Variants in LBX1 observed in about 807,000 individuals in gnomAD.
LBX1 encodes the protein ladybird homeobox 1, also known as transcription factor LBX1.
A neutral mutation model predicts 19.9 loss-of-function variants in LBX1; 6 were observed. That is an observed-to-expected ratio of 0.30 (90% CI 0.17 to 0.60). The LOEUF (loss-of-function observed/expected upper bound fraction) is 0.60, where lower values mean the gene tolerates loss of function less well. Ranked by LOEUF, LBX1 falls within the 20% of genes least tolerant of loss-of-function variation. LBX1 has a pLI of 0.87. For synonymous variants in LBX1, 190 were observed against 189.3 expected (o/e 1.00, Z -0.03); for missense variants, 344 against 393.7 (o/e 0.87, Z 1.07).
rs139870892 is a variant in LBX1, at chr10:101,228,796, C to T, written c.20G>A (p.Gly7Asp). MTSKED[G>D]KAAPGEERRR... is the part of the protein sequence containing the mutation. ...CCGCTCCTCCCCCGGCGCCGCCTTG[C>T]CGTCCTCCTTGGAAGTCATCTCGGC... Residue 7 changes from glycine to aspartate, a missense_variant, in exon 1 of 2, where the codon GGC becomes GAC. Coordinates refer to ENST00000370193, the MANE Select transcript of LBX1 (RefSeq NM_006562.5). 1.8e-5 allele frequency: 28 copies of T among 1,596,230 alleles called. No homozygotes were observed. The highest frequency in any genetic ancestry group is 2.4e-5 in the Non-Finnish European group (28 of 1,173,846).
In LBX1 at chr10:101,227,491, C is replaced by T. The variant is rs201747133; in HGVS notation, c.625G>A (p.Ala209Thr). The part of the protein sequence containing the change: ...PSGQMDIVAL[A>T]ELEQNSEATA... ...GCCTCCGAGTTCTGCTCGAGTTCGG[C>T]CAGCGCCACGATGTCCATCTGCCCG... is the stretch of plus-strand genomic sequence containing the variant. The change falls in exon 2 of 2, where the codon GCC (alanine) becomes ACC (threonine). Residue 209 changes from alanine (A) to threonine (T), a missense_variant. Physicochemically the swap from Ala to Thr is moderately conservative, Grantham distance 58 (BLOSUM62 0). This residue lies in a region of LBX1 where 146 missense variants were observed against 124.2 expected (regional missense o/e 1.18). Transcript: ENST00000370193. The T allele has an allele frequency of 2.0e-5, 32 of 1,610,442 alleles. No individual in the cohort carries two copies. The East Asian group carries it at 6.7e-4, about 34-fold the overall frequency.
Position 101,227,447 on chromosome 10 carries a change from G to A in LBX1, c.669C>T (p.Gly223=). Residue 223 remains glycine (G), a synonymous_variant, in exon 2 of 2, where the codon GGC becomes GGT. Coordinates refer to ENST00000370193, the MANE Select transcript of LBX1 (RefSeq NM_006562.5). ...GCCTCGACTTGGCCCTGCCGCAGCC[G>A]CCGCCACCGCCGGCTGTGGCCTCCG... ...QNSEATAGGG[G]GCGRAKSRPG... The A allele has an allele frequency of 1.9e-6, 3 of 1,595,702 alleles. No homozygotes were observed. The highest frequency in any genetic ancestry group is 2.6e-6 in the Non-Finnish European group (3 of 1,170,912).
In LBX1 at chr10:101,228,550, T is replaced by A. The variant is rs1284922642; in HGVS notation, c.266A>T (p.Glu89Val). The A allele has an allele frequency of 1.3e-6, 2 of 1,554,628 alleles. No individual in the cohort carries two copies. Among genetic ancestry groups the A allele is most frequent in the East Asian group, 4.8e-5 (2 of 41,472 alleles). Residue 89 changes from glutamate to valine, a missense_variant, in exon 1 of 2, where the codon GAG (glutamate) becomes GTG (valine). Physicochemically the swap from Glu to Val is moderately radical, Grantham distance 121. Coordinates refer to ENST00000370193, the MANE Select transcript of LBX1 (RefSeq NM_006562.5). ...CTTAAACGTCTTGCTGGCGAGCTCC[T>A]CCAGCGCGCACAGCGGCGAGGTCTG... is the stretch of plus-strand genomic sequence containing the variant. ...LSQTSPLCAL[E>V]ELASKTFKGL... is the part of the protein sequence containing the mutation.
At position 101,227,664 on chromosome 10, in the gene LBX1, G is replaced by T; in HGVS notation, c.452C>A (p.Ser151Tyr). Reference sequence around the variant, plus strand: ...CGCGATTTGGTCGCGATCGGCGGGGGACAGGTACTTCTGGTATAGAAAGCG... The same window carrying T: ...CGCGATTTGGTCGCGATCGGCGGGGTACAGGTACTTCTGGTATAGAAAGCG... ...EKRFLYQKYLSPADRDQIAQQ... is the reference protein window; with the variant it reads ...EKRFLYQKYLYPADRDQIAQQ... Residue 151 changes from serine to tyrosine, a missense_variant, in exon 2 of 2, where the codon TCC becomes TAC. By Grantham distance (144) the Ser-to-Tyr change is moderately radical (BLOSUM62 -2). Coordinates refer to ENST00000370193, the MANE Select transcript of LBX1 (RefSeq NM_006562.5). The T allele has an allele frequency of 6.2e-7, 1 of 1,614,152 alleles. No individual in the cohort carries two copies. Among genetic ancestry groups the T allele is most frequent in the Non-Finnish European group, 8.5e-7 (1 of 1,180,018 alleles).
Position 101,227,170 on chromosome 10 carries a change from T to C in LBX1, c.*100A>G. ...CCGGGGACAGGGGAGGAGGCGGGAG[T>C]TGGCAGAGGAGGTCCCAGCTCCCCT... On this transcript the variant is annotated 3_prime_UTR_variant, in exon 2 of 2. Transcript: ENST00000370193. 8.7e-7 allele frequency: 1 copy of C among 1,150,438 alleles called. No homozygotes were observed. The highest frequency in any genetic ancestry group is 1.2e-6 in the Non-Finnish European group (1 of 835,138). 71.3% of individuals were successfully genotyped at this position (1,150,438 alleles called of 1,614,324 possible).
intron 1 of LBX1, 39 bp downstream of exon 1, chr10:101,228,452 G>A: frequency 6.7e-7 from 1 of 1,484,376 alleles, no homozygotes; most frequent in Non-Finnish European, 9.1e-7. Context: ...CACAGGGCGC[G>A]AGGCGCTGGG....
At chr10:101,228,329 T>C (rs2134367991) in intron 1 of LBX1, among the ~76,000 whole-genome samples, 162 bp downstream of exon 1, 1 of 152,282 alleles carries the variant, frequency 6.6e-6, no homozygotes, top group South Asian at 2.1e-4. Flanking sequence ...GAAATAAGGA[T>C]TGGGTCCCGT....
Position 101,227,585 on chromosome 10 carries a change from G to T in LBX1, c.531C>A (p.Arg177=). Residue 177 remains arginine (R), a synonymous_variant, in exon 2 of 2, where the codon CGC becomes CGA. Transcript: ENST00000370193. ...CCTCCAGGTCCCGCTTGAGCTTAGC[G>T]CGCCGATTCTGGAACCAGGTGATGA... ...AQVITWFQNR[R]AKLKRDLEEM... 2 of 1,614,214 alleles carry T rather than the reference G, an allele frequency of 1.2e-6. No homozygotes were observed. The highest frequency in any genetic ancestry group is 2.2e-5 in the South Asian group (2 of 91,090).
Position 101,227,761 on chromosome 10 carries a change from G to T in LBX1, c.355C>A (p.Arg119=). 1 of 1,597,660 alleles carries T rather than the reference G, an allele frequency of 6.3e-7. No homozygotes were observed. Among genetic ancestry groups the T allele is most frequent in the Non-Finnish European group, 8.5e-7 (1 of 1,170,210 alleles). ...GRDGMTIFGQ[R]QTPKKRRKSR... is the part of the protein sequence containing the mutation. ...TTTCGCCGCTTCTTAGGGGTCTGCC[G>T]CTGCCCAAAGATGGTCATACCGTCG... The change falls in exon 2 of 2, where the codon CGG becomes AGG. Residue 119 remains arginine (R), a synonymous_variant. Coordinates refer to ENST00000370193, the MANE Select transcript of LBX1 (RefSeq NM_006562.5).
Position 101,227,275 on chromosome 10 carries a change from C to T in LBX1, c.841G>A (p.Asp281Asn). 6.2e-7 allele frequency: 1 copy of T among 1,603,598 alleles called. No individual in the cohort carries two copies. The highest frequency in any genetic ancestry group is 8.5e-7 in the Non-Finnish European group (1 of 1,176,948). ...DEEDEEIDVD[D>N] is the part of the protein sequence containing the mutation. ...CGGAAGACCCGGGGCGCCGCTCAAT[C>T]GTCCACGTCGATCTCTTCGTCTTCC... The change falls in exon 2 of 2, where the codon GAT (aspartate) becomes AAT (asparagine). Residue 281 changes from aspartate to asparagine, a missense_variant. By Grantham distance (23) the Asp-to-Asn change is conservative. Transcript: ENST00000370193.
Position 101,228,780 on chromosome 10 carries a change from C to G in LBX1, c.36G>C (p.Gly12=), listed in dbSNP as rs757525480. Residue 12 remains glycine, a synonymous_variant, in exon 1 of 2, where the codon GGG becomes GGC. Coordinates refer to ENST00000370193, the MANE Select transcript of LBX1 (RefSeq NM_006562.5). Reference sequence around the variant, plus strand: ...CCAGCGGGCTGCGCCGCCGCTCCTCCCCCGGCGCCGCCTTGCCGTCCTCCT... The same window carrying G: ...CCAGCGGGCTGCGCCGCCGCTCCTCGCCCGGCGCCGCCTTGCCGTCCTCCT... ...TSKEDGKAAP[G]EERRRSPLDH... 20 of 1,598,010 alleles carry G rather than the reference C, an allele frequency of 1.3e-5. No individual in the cohort carries two copies. In the South Asian group the frequency reaches 2.1e-4, roughly 17 times the overall value.
rs1008208013 is a variant in LBX1, at chr10:101,227,143, G to A, written c.*127C>T. The A allele has an allele frequency of 1.7e-5, 16 of 932,830 alleles. No individual in the cohort carries two copies. In the Admixed American group the frequency reaches 3.5e-4, roughly 20 times the overall value. The allele number at this position is 932,830 out of a possible 1,614,324, so 57.8% of individuals were successfully genotyped here. On this transcript the variant is annotated 3_prime_UTR_variant, in exon 2 of 2. Coordinates refer to ENST00000370193, the MANE Select transcript of LBX1 (RefSeq NM_006562.5). The stretch of plus-strand genomic sequence containing the variant: ...GGCGGCTGCCAGGAGCCGAGTCCGG[G>A]GCCGGGGACAGGGGAGGAGGCGGGA...
chr10:101,228,831 G>C lies in LBX1; in HGVS notation c.-16C>G. The C allele has an allele frequency of 6.7e-7, 1 of 1,495,832 alleles. No individual in the cohort carries two copies. Among genetic ancestry groups the C allele is most frequent in the Middle Eastern group, 2.0e-4 (1 of 4,976 alleles). 92.7% of individuals were successfully genotyped at this position (1,495,832 alleles called of 1,614,324 possible). A position where few individuals can be genotyped will look rare whatever the true frequency, so the allele number is the denominator to read the frequency against. ...TGGAAGTCATCTCGGCCTTGTTCGGGGTCCCGGCCGGGGCGGCTCGGGCCG... is the reference window on the plus strand; with the variant it reads ...TGGAAGTCATCTCGGCCTTGTTCGGCGTCCCGGCCGGGGCGGCTCGGGCCG... On this transcript the variant is annotated 5_prime_UTR_variant, in exon 1 of 2. Transcript: ENST00000370193.
rs1941058834 is a variant in LBX1, at chr10:101,227,432, G to A, written c.684C>T (p.Ala228=). 1.9e-6 allele frequency: 3 copies of A among 1,594,970 alleles called. No homozygotes were observed. The highest frequency in any genetic ancestry group is 2.6e-6 in the Non-Finnish European group (3 of 1,171,690). The change falls in exon 2 of 2, where the codon GCC becomes GCT. Residue 228 remains alanine, a synonymous_variant. Transcript: ENST00000370193. Reference sequence around the variant, plus strand: ...GGACCGGAGAGCCGGGCCTCGACTTGGCCCTGCCGCAGCCGCCGCCACCGC... The same window carrying A: ...GGACCGGAGAGCCGGGCCTCGACTTAGCCCTGCCGCAGCCGCCGCCACCGC... ...TAGGGGGCGR[A]KSRPGSPVLP... is the part of the protein sequence containing the mutation.
rs527545931 is a variant in LBX1, at chr10:101,228,999, G to T, written c.-184C>A. The T allele has an allele frequency of 4.0e-4, 82 of 204,394 alleles. 1 individual carries two copies. The East Asian group carries it at 0.011, about 29-fold the overall frequency. 12.7% of individuals were successfully genotyped at this position (204,394 alleles called of 1,614,324 possible). ...GCTGAGGAGGGGAGAACAGCGCGGG[G>T]CCCCGGGAAGAGGGCGCTGACGCGG... On this transcript the variant is annotated 5_prime_UTR_variant, in exon 1 of 2. Coordinates refer to ENST00000370193, the MANE Select transcript of LBX1 (RefSeq NM_006562.5).
At position 101,227,472 on chromosome 10, in the gene LBX1, G is replaced by A. The variant is rs12777128; in HGVS notation, c.644C>T (p.Ser215Leu). 4 of 1,605,710 alleles carry A rather than the reference G, an allele frequency of 2.5e-6. No homozygotes were observed. The African/African-American group carries it at 5.4e-5, about 21-fold the overall frequency. The change falls in exon 2 of 2, where the codon TCG (serine) becomes TTG (leucine). Residue 215 changes from serine (S) to leucine (L), a missense_variant. By Grantham distance (145) the Ser-to-Leu change is moderately radical. This residue lies in a region of LBX1 where 146 missense variants were observed against 124.2 expected (regional missense o/e 1.18). Coordinates refer to ENST00000370193, the MANE Select transcript of LBX1 (RefSeq NM_006562.5). Reference sequence around the variant, plus strand: ...GCCGCCACCGCCGGCTGTGGCCTCCGAGTTCTGCTCGAGTTCGGCCAGCGC... The same window carrying A: ...GCCGCCACCGCCGGCTGTGGCCTCCAAGTTCTGCTCGAGTTCGGCCAGCGC... The part of the protein sequence containing the change: ...IVALAELEQN[S>L]EATAGGGGGC...
Position 101,228,669 on chromosome 10 carries a change from T to A in LBX1, c.147A>T (p.Arg49Ser), listed in dbSNP as rs964672390. 4 of 1,604,852 alleles carry A rather than the reference T, an allele frequency of 2.5e-6. No homozygotes were observed. The African/African-American group carries it at 5.4e-5, about 22-fold the overall frequency. ...EDILNKPSVR[R>S]SYSLCGAAHL... ...GCGCCGCCCCGCACAGCGAGTAACT[T>A]CTCCGCACAGACGGCTTGTTGAGGA... Residue 49 changes from arginine to serine, a missense_variant, in exon 1 of 2, where the codon AGA becomes AGT. This residue lies in a region of LBX1 where 153 missense variants were observed against 168.9 expected (regional missense o/e 0.91). Transcript: ENST00000370193.
At position 101,227,288 on chromosome 10, in the gene LBX1, C is replaced by A. The variant is rs776172521; in HGVS notation, c.828G>T (p.Glu276Asp). Residue 276 changes from glutamate to aspartate, a missense_variant, in exon 2 of 2, where the codon GAG (glutamate) becomes GAT (aspartate). Glu to Asp is a conservative substitution (Grantham distance 45). Transcript: ENST00000370193. ...QDCSEDEEDEEIDVDD is the reference protein window; with the variant it reads ...QDCSEDEEDEDIDVDD ...GCGCCGCTCAATCGTCCACGTCGAT[C>A]TCTTCGTCTTCCTCGTCCTCCGAGC... 6.2e-7 allele frequency: 1 copy of A among 1,606,784 alleles called. No homozygotes were observed. The highest frequency in any genetic ancestry group is 1.1e-5 in the South Asian group (1 of 90,814).
rs778272282 is a variant in LBX1 at position 101,227,434 on chromosome 10, C to G, written c.682G>C (p.Ala228Pro). Residue 228 changes from alanine to proline, a missense_variant, in exon 2 of 2, where the codon GCC becomes CCC. Ala to Pro is a conservative substitution (Grantham distance 27). Transcript: ENST00000370193. ...TAGGGGGCGR[A>P]KSRPGSPVLP... ...ACCGGAGAGCCGGGCCTCGACTTGG[C>G]CCTGCCGCAGCCGCCGCCACCGCCG... 16 of 1,594,852 alleles carry G rather than the reference C, an allele frequency of 1.0e-5. No individual in the cohort carries two copies. In the African/African-American group the frequency reaches 1.7e-4, roughly 17 times the overall value.
Sources: gnomAD v4.1 joint callset for allele counts (sites outside exome capture counted in the v4.1 genomes callset) on GRCh38, gnomAD v4.1.1 for gene constraint, gnomAD v4.1.1 regional missense constraint, MANE v1.5 for transcripts, NCBI Gene and HGNC (gene_info 2026-07-23, HGNC 2026-07-21) for gene names.